FLT1: variants seen among roughly 807,000 people sequenced by gnomAD.
FLT1 encodes fms related receptor tyrosine kinase 1.
A neutral mutation model predicts 156.3 loss-of-function variants in FLT1; 49 were observed. The ratio of observed to expected loss-of-function variants is 0.31; its 90% CI spans 0.25 to 0.40. The LOEUF is 0.40. FLT1 is among the 10% of genes least tolerant of loss of function. FLT1 has a pLI of 1.00. For synonymous variants in FLT1, 594 were observed against 583.8 expected (o/e 1.02, Z -0.25); for missense variants, 1,322 against 1,637.2 (o/e 0.81, Z 3.32).
chr13:28,390,086 T>A lies in FLT1; in HGVS notation c.1679A>T (p.His560Leu), dbSNP rs1241074483. ...FYITDVPNGF[H>L]VNLEKMPTEG... Reference sequence around the variant, plus strand: ...CGTCGGCATTTTTTCCAAGTTAACATGAAACCCATTTGGCACATCTATAAA... The same window carrying A: ...CGTCGGCATTTTTTCCAAGTTAACAAGAAACCCATTTGGCACATCTATAAA... The change falls in exon 13 of 30, where the codon CAT becomes CTT. Residue 560 changes from histidine to leucine, a missense_variant. By Grantham distance (99) the His-to-Leu change is moderately conservative (BLOSUM62 -3). This residue lies in a region of FLT1 where 991 missense variants were observed against 1,254.8 expected (regional missense o/e 0.79). Transcript: ENST00000282397. 6.2e-7 allele frequency: 1 copy of A among 1,614,054 alleles called. No individual in the cohort carries two copies.
intron 20 of FLT1, among the ~76,000 whole-genome samples, chr13:28,323,997 T>C (rs1871580394): frequency 1.3e-5 from 2 of 152,220 alleles, no homozygotes; most frequent in Non-Finnish European, 2.9e-5. Flanking sequence ...CTTCCATTAA[T>C]CATGCGATCT....
At chr13:28,304,887 T>C (rs1044234938) in intron 29 of FLT1, among the ~76,000 whole-genome samples, 50 of 152,204 alleles carry the variant, frequency 3.3e-4, no homozygotes, top group African/African-American at 1.2e-3. Flanking sequence ...TTATTGACAA[T>C]ATTATATTGT....
chr13:28,469,879 G>T (rs1237098289), intron 1 of FLT1, among the ~76,000 whole-genome samples: 3 of 151,914 alleles, frequency 2.0e-5, no homozygotes, highest in Non-Finnish European at 2.9e-5. Context: ...TCAGCCTCCT[G>T]AGTAGCTGGG....
intron 1 of FLT1, among the ~76,000 whole-genome samples, chr13:28,491,819 T>C (rs1881484635): frequency 6.6e-6 from 1 of 152,238 alleles, no homozygotes; most frequent in South Asian, 2.1e-4. Context: ...CAACCACCTA[T>C]ACTAACGTCT....
intron 3 of FLT1, among the ~76,000 whole-genome samples, chr13:28,460,774 A>C (rs1010408444): frequency 6.7e-6 from 1 of 149,106 alleles, no homozygotes; most frequent in Admixed American, 6.8e-5. Flanking sequence ...CACAAAAAGA[A>C]ATACATTTTA....
intron 1 of FLT1, among the ~76,000 whole-genome samples, chr13:28,492,620 C>T (rs1188569968): frequency 6.6e-6 from 1 of 152,122 alleles, no homozygotes; most frequent in Non-Finnish European, 1.5e-5. Context: ...TCAAAGATTA[C>T]ATAGTACCTG....
At chr13:28,317,740 A>G in intron 24 of FLT1, 143 bp from the exon 25 acceptor site, 2 of 694,066 alleles carry the variant, frequency 2.9e-6, no homozygotes, top group East Asian at 2.7e-5. Flanking sequence ...AGATCTCAAC[A>G]TACCGTACAA....
intron 19 of FLT1, 30 bp downstream of exon 19, chr13:28,329,585 G>A: frequency 1.4e-6 from 2 of 1,470,234 alleles, no homozygotes; most frequent in Non-Finnish European, 1.9e-6. Context: ...TGCAGGGGGA[G>A]ACGGAGCCGG....
intron 25 of FLT1, among the ~76,000 whole-genome samples, chr13:28,313,392 C>G (rs893538784): frequency 6.6e-6 from 1 of 152,226 alleles, no homozygotes; most frequent in African/African-American, 2.4e-5. Flanking sequence ...GAGGTCCATA[C>G]ACACACTGCA....
At position 28,450,438 on chromosome 13, in the gene FLT1, A is replaced by C. The variant is rs1030132181; in HGVS notation, c.389-12093T>G. Reference sequence around the variant, plus strand: ...GGCTGGCGGTTTCTAGGTTCTGTTAACCAGATGACTGACCTCAGTCAGAGA... The same window carrying C: ...GGCTGGCGGTTTCTAGGTTCTGTTACCCAGATGACTGACCTCAGTCAGAGA... On this transcript the variant is annotated intron_variant, in intron 3 of 29. Coordinates refer to ENST00000282397, the MANE Select transcript of FLT1 (RefSeq NM_002019.4). 6.6e-5 allele frequency among the ~76,000 whole-genome samples: 10 copies of C among 152,116 alleles called. No homozygotes were observed. In the East Asian group the frequency reaches 1.9e-3, roughly 29 times the overall value.
chr13:28,475,134 C>T (rs544342436), intron 1 of FLT1, among the ~76,000 whole-genome samples: 2 of 152,164 alleles, frequency 1.3e-5, no homozygotes, highest in African/African-American at 2.4e-5. Context: ...TTCCCTCCCC[C>T]GTTACAATCT....
chr13:28,385,100 C>T (rs1874283939), intron 13 of FLT1, 69 bp from the exon 14 acceptor site: 2 of 1,492,722 alleles, frequency 1.3e-6, no homozygotes, highest in Non-Finnish European at 1.9e-6. Flanking sequence ...TGCATATCAA[C>T]ATTTAAAATA....
At chr13:28,409,493 C>A (rs947890109) in intron 10 of FLT1, among the ~76,000 whole-genome samples, 1 of 151,872 alleles carries the variant, frequency 6.6e-6, no homozygotes, top group African/African-American at 2.4e-5. Flanking sequence ...TGCCATCATG[C>A]GAGGATAATT....
intron 3 of FLT1, among the ~76,000 whole-genome samples, chr13:28,447,218 T>TG (rs35760554): frequency 0.14 from 21,372 of 149,470 alleles, 1,740 homozygotes; most frequent in Admixed American, 0.23. Flanking sequence ...GGTCTCACTT[T>TG]TCTAGGCTGA....
intron 27 of FLT1, among the ~76,000 whole-genome samples, chr13:28,311,205 C>T (rs994614865): frequency 2.6e-5 from 4 of 152,196 alleles, no homozygotes; most frequent in Admixed American, 6.5e-5. Context: ...GATCCTCCCA[C>T]CTCAGTCTCC....
At chr13:28,432,470 T>A (rs1021711363) in intron 6 of FLT1, among the ~76,000 whole-genome samples, 3 of 152,212 alleles carry the variant, frequency 2.0e-5, no homozygotes, top group African/African-American at 7.2e-5. Flanking sequence ...TACTACTTCC[T>A]TTGCCAAGCT....
chr13:28,338,476 A>T (rs1442020027), intron 17 of FLT1, among the ~76,000 whole-genome samples: 1 of 152,150 alleles, frequency 6.6e-6, no homozygotes, highest in Non-Finnish European at 1.5e-5. Context: ...GTGACGTCTG[A>T]GCTGGAGGAA....
chr13:28,387,460 TA>T, intron 13 of FLT1: 3 of 1,058,996 alleles, frequency 2.8e-6, no homozygotes, highest in South Asian at 9.1e-5. Context: ...TTCCAAAATT[TA>T]ACAGTGTAGC....
At chr13:28,470,349 T>C (rs1396844514) in intron 1 of FLT1, among the ~76,000 whole-genome samples, 2 of 152,262 alleles carry the variant, frequency 1.3e-5, no homozygotes, top group Non-Finnish European at 2.9e-5. Flanking sequence ...GAAACTTCCA[T>C]GCCAGAATAG....
Sources: allele counts gnomAD v4.1 joint callset (sites outside exome capture counted in the v4.1 genomes callset), GRCh38; gene constraint gnomAD v4.1.1; regional missense constraint gnomAD v4.1.1; transcripts MANE v1.5; gene names NCBI Gene and HGNC (gene_info 2026-07-23, HGNC 2026-07-21).